PTBP3: variants seen among roughly 807,000 people sequenced by gnomAD.
PTBP3 encodes polypyrimidine tract-binding protein 3.
A neutral mutation model predicts 58.7 loss-of-function variants in PTBP3; 20 were observed. That is an observed-to-expected ratio of 0.34 (90% confidence interval 0.24 to 0.50). The LOEUF (loss-of-function observed/expected upper bound fraction) is 0.50, where lower values mean the gene tolerates loss of function less well. Among genes scored for constraint, PTBP3 ranks in the 20% least tolerant of loss-of-function variants. The probability of loss-of-function intolerance (pLI) is 0.98; values close to 1 mark genes in which losing one functional copy is unlikely to be tolerated. For synonymous variants in PTBP3, 185 were observed against 219.8 expected (o/e 0.84, Z 1.40); for missense variants, 509 against 637.2 (o/e 0.80, Z 2.17).
At position 112,233,170 on chromosome 9, in the gene PTBP3, A is replaced by G. The variant is rs111618350; in HGVS notation, c.881-932T>C. On this transcript the variant is annotated intron_variant, in intron 8 of 13. Coordinates refer to ENST00000374257, the MANE Select transcript of PTBP3 (RefSeq NM_001163788.4). ...ACGAAATCAATAGCCTTCACATGAC[A>G]TATTCCCATGCCCCTCCAGTCCAAC... Among the ~76,000 whole-genome samples the G allele has an allele frequency of 9.9e-4, 150 of 151,990 alleles. 1 individual carries two copies. Among genetic ancestry groups the G allele is most frequent in the African/African-American group, 3.6e-3 (148 of 41,474 alleles).
intron 5 of PTBP3, 101 bp from the exon 6 acceptor site, chr9:112,252,889 T>G (rs895093127): frequency 2.0e-5 from 15 of 744,004 alleles, no homozygotes; most frequent in Non-Finnish European, 2.8e-5. Context: ...AATGAAAATT[T>G]TCTCTTGAAA....
At position 112,301,037 on chromosome 9, in the gene PTBP3, T is replaced by C. The variant is rs557053426; in HGVS notation, c.-51-3121A>G. Among the ~76,000 whole-genome samples, 10 of 152,202 alleles carry C rather than the reference T, an allele frequency of 6.6e-5. No homozygotes were observed. The East Asian group carries it at 1.3e-3, about 21-fold the overall frequency. ...TGAACTTTGTCAAATATAAAAACTT[T>C]TGTGTTTCAAAGAACACCATCAAGA... On this transcript the variant is annotated intron_variant, in intron 1 of 13. Coordinates refer to ENST00000374257, the MANE Select transcript of PTBP3 (RefSeq NM_001163788.4).
intron 7 of PTBP3, among the ~76,000 whole-genome samples, chr9:112,243,442 C>T (rs140261972): frequency 2.9e-3 from 440 of 151,758 alleles, no homozygotes; most frequent in African/African-American, 0.01. Context: ...CTCAGGAGGC[C>T]GAGGCATGAG....
chr9:112,266,775 A>G lies in PTBP3; in HGVS notation c.351+1274T>C, dbSNP rs141317232. 3.3e-5 allele frequency among the ~76,000 whole-genome samples: 5 copies of G among 152,340 alleles called. No individual in the cohort carries two copies. The East Asian group carries it at 9.6e-4, about 29-fold the overall frequency. ...GACATCTGAATACACACCGAATATTACCACTAGTTATTAGTTATCTCTGGG... is the reference window on the plus strand; with the variant it reads ...GACATCTGAATACACACCGAATATTGCCACTAGTTATTAGTTATCTCTGGG... On this transcript the variant is annotated intron_variant, in intron 4 of 13. Transcript: ENST00000374257.
intron 4 of PTBP3, among the ~76,000 whole-genome samples, chr9:112,266,905 A>G (rs1035131842): frequency 5.9e-5 from 9 of 152,192 alleles, no homozygotes; most frequent in Non-Finnish European, 1.0e-4. Flanking sequence ...TTTTCATTTT[A>G]AAAAGTCTAT....
intron 2 of PTBP3, among the ~76,000 whole-genome samples, chr9:112,284,714 C>T (rs1462490870): frequency 2.6e-5 from 4 of 151,956 alleles, no homozygotes; most frequent in Admixed American, 6.6e-5. Flanking sequence ...AAACAGAAAA[C>T]AAAAAACAAA....
intron 1 of PTBP3, among the ~76,000 whole-genome samples, chr9:112,305,678 C>T (rs1004175266): frequency 1.3e-5 from 2 of 152,046 alleles, no homozygotes; most frequent in Non-Finnish European, 2.9e-5. Context: ...CGGTGGCTCA[C>T]GCCTGTAATC....
chr9:112,281,018 A>G (rs1158954986), intron 2 of PTBP3: 2 of 152,076 alleles, frequency 1.3e-5, no homozygotes, highest in African/African-American at 2.4e-5. Context: ...ATAAGAAAAA[A>G]TCCTTGTTGC....
At chr9:112,287,334 GTTTTTTGT>G (rs1448461152) in intron 2 of PTBP3, among the ~76,000 whole-genome samples, 1 of 96,080 alleles carries the variant, frequency 1.0e-5, no homozygotes, top group African/African-American at 4.3e-5. Flanking sequence ...TTCTTTTTCA[GTTTTTTGT>G]TTTTTTTTTT....
the PTBP3 span, among the ~76,000 whole-genome samples, chr9:112,374,727 A>T: frequency 2.0e-5 from 3 of 152,266 alleles, no homozygotes; most frequent in Admixed American, 6.5e-5. Flanking sequence ...GAATACCACG[A>T]CAGTGGATAA....
intron 7 of PTBP3, among the ~76,000 whole-genome samples, chr9:112,240,878 A>G (rs2132026331): frequency 6.6e-6 from 1 of 152,258 alleles, no homozygotes; most frequent in East Asian, 1.9e-4. Flanking sequence ...TTTAACAAAA[A>G]ACTAAAAGTT....
chr9:112,298,413 C>T, intron 1 of PTBP3: 1 of 293,874 alleles, frequency 3.4e-6, no homozygotes, highest in South Asian at 3.2e-5. Context: ...CAGACTATTT[C>T]TTAAACAATT....
chr9:112,362,393 A>G, the PTBP3 span, among the ~76,000 whole-genome samples: 2 of 152,182 alleles, frequency 1.3e-5, no homozygotes, highest in Admixed American at 6.5e-5. Context: ...TTCTGTGTAT[A>G]TATTGGACAC....
chr9:112,300,656 G>C (rs888690176), intron 1 of PTBP3, among the ~76,000 whole-genome samples: 16 of 152,188 alleles, frequency 1.1e-4, no homozygotes, highest in Non-Finnish European at 7.3e-5. Context: ...GGAGGCTGAG[G>C]CAGGAGAATG....
chr9:112,375,307 C>A, the PTBP3 span, among the ~76,000 whole-genome samples: 1 of 152,218 alleles, frequency 6.6e-6, no homozygotes, highest in Non-Finnish European at 1.5e-5. Context: ...TCACTGGCTA[C>A]CGCCCATGAA....
At chr9:112,276,758 T>A (rs367636302) in intron 2 of PTBP3, among the ~76,000 whole-genome samples, 42 of 152,186 alleles carry the variant, frequency 2.8e-4, no homozygotes, top group African/African-American at 8.0e-4. Flanking sequence ...AAATTCATTA[T>A]CTAAGCTAAA....
chr9:112,333,009 G>T (rs898616158), intron 1 of PTBP3: 3 of 1,278,984 alleles, frequency 2.3e-6, no homozygotes, highest in Non-Finnish European at 2.0e-6. Context: ...ACCCGCCGTC[G>T]GCCGCTCGCC....
intron 2 of PTBP3, among the ~76,000 whole-genome samples, chr9:112,280,559 T>C (rs1827811469): frequency 6.6e-6 from 1 of 152,224 alleles, no homozygotes; most frequent in Non-Finnish European, 1.5e-5. Flanking sequence ...TTCCCTTCTA[T>C]TCCCAGTTGG....
rs74307726 is a variant in PTBP3 at position 112,304,511 on chromosome 9, C to T, written c.-51-6595G>A. 5.9e-4 allele frequency among the ~76,000 whole-genome samples: 90 copies of T among 152,196 alleles called. 4 individuals carry two copies. The East Asian group carries it at 0.016, about 27-fold the overall frequency. The stretch of plus-strand genomic sequence containing the variant: ...AAAGTTATAATATGAATCTATGCTC[C>T]GCTCTATTATCCTTTTAACTGATAA... On this transcript the variant is annotated intron_variant, in intron 1 of 13. Transcript: ENST00000374257.
Sources: allele counts gnomAD v4.1 joint callset (sites outside exome capture counted in the v4.1 genomes callset), GRCh38; gene constraint gnomAD v4.1.1; transcripts MANE v1.5; gene names NCBI Gene and HGNC (gene_info 2026-07-23, HGNC 2026-07-21).